Variants in MTUS2 observed in about 807,000 individuals in gnomAD.
The protein encoded by MTUS2 is microtubule associated scaffold protein 2, also known as microtubule-associated tumor suppressor candidate 2.
MTUS2 carries 40 observed loss-of-function variants against 114.1 expected under a neutral mutation model. The ratio of observed to expected loss-of-function variants is 0.35; its 90% confidence interval spans 0.27 to 0.46. The LOEUF (loss-of-function observed/expected upper bound fraction) is 0.46. MTUS2 is among the 20% of genes least tolerant of loss of function. The probability of loss-of-function intolerance (pLI) is 1.00; values close to 1 mark genes in which losing one functional copy is unlikely to be tolerated. For missense variants in MTUS2, 1,679 were observed against 1,705.4 expected (o/e 0.98, Z 0.27); for synonymous variants, 688 against 672.0 (o/e 1.02, Z -0.37).
chr13:29,211,902 T>G lies in MTUS2; in HGVS notation c.2645-69802T>G, dbSNP rs1895458202. The stretch of plus-strand genomic sequence containing the variant: ...TAGTTCTTGGAGCCAAAGTTCACAG[T>G]GTGTCTCCACAAGCTGCTCTGTCCA... On this transcript the variant is annotated intron_variant, in intron 5 of 15. Transcript: ENST00000612955. Among the ~76,000 whole-genome samples the G allele has an allele frequency of 2.6e-5, 4 of 152,102 alleles. No individual in the cohort carries two copies. The South Asian group carries it at 8.3e-4, about 32-fold the overall frequency.
At position 29,024,979 on chromosome 13, in the gene MTUS2, G is replaced by A; in HGVS notation, c.281G>A (p.Ser94Asn). The part of the protein sequence containing the change: ...FGKGSQAGSA[S>N]LKDFRLSSTI... ...AAAGGCTCTCAGGCTGGCTCTGCCA[G>A]CCTGAAAGATTTTAGACTTTCTTCA... The change falls in exon 3 of 16, where the codon AGC (serine) becomes AAC (asparagine). Residue 94 changes from serine to asparagine, a missense_variant. Coordinates refer to ENST00000612955, the MANE Select transcript of MTUS2 (RefSeq NM_001033602.4). 1 of 1,613,242 alleles carries A rather than the reference G, an allele frequency of 6.2e-7. No homozygotes were observed.
intron 8 of MTUS2, among the ~76,000 whole-genome samples, chr13:29,438,441 T>C (rs915214555): frequency 6.6e-6 from 1 of 152,174 alleles, no homozygotes; most frequent in Non-Finnish European, 1.5e-5. Context: ...AAGCCCAAGA[T>C]CTAGGCTCCA....
chr13:28,941,150 T>A (rs978045067), intron 2 of MTUS2, among the ~76,000 whole-genome samples: 1 of 152,162 alleles, frequency 6.6e-6, no homozygotes, highest in African/African-American at 2.4e-5. Flanking sequence ...ACCAATAATT[T>A]TCCAACTTTT....
In MTUS2 at chr13:29,260,874, G is replaced by C. The variant is rs534630546; in HGVS notation, c.2645-20830G>C. The stretch of plus-strand genomic sequence containing the variant: ...TGGAGAGAAAGGGAGATTGCTACTG[G>C]CATCTAGTGGGTAGAGGCCGGGGTT... On this transcript the variant is annotated intron_variant, in intron 5 of 15. Coordinates refer to ENST00000612955, the MANE Select transcript of MTUS2 (RefSeq NM_001033602.4). Among the ~76,000 whole-genome samples the C allele has an allele frequency of 9.9e-5, 15 of 152,282 alleles. No homozygotes were observed. In the South Asian group the frequency reaches 2.1e-3, roughly 21 times the overall value.
rs1433759093 is a variant in MTUS2 at position 29,183,551 on chromosome 13, G to A, written c.2644+82581G>A. Among the ~76,000 whole-genome samples, 3 of 152,254 alleles carry A rather than the reference G, an allele frequency of 2.0e-5. 1 individual carries two copies. The South Asian group carries it at 6.2e-4, about 32-fold the overall frequency. ...GCTGTGAGCCAATAGATGGAATTTA[G>A]CACCATAAGACTGGAAAGATCACCA... On this transcript the variant is annotated intron_variant, in intron 5 of 15. Coordinates refer to ENST00000612955, the MANE Select transcript of MTUS2 (RefSeq NM_001033602.4).
intron 9 of MTUS2, among the ~76,000 whole-genome samples, chr13:29,449,215 A>G (rs1055352111): frequency 2.0e-5 from 3 of 152,208 alleles, no homozygotes; most frequent in Non-Finnish European, 4.4e-5. Context: ...TGAGAGCTTG[A>G]TATTAACGTA....
chr13:29,048,955 A>G (rs948594293), intron 4 of MTUS2, among the ~76,000 whole-genome samples: 8 of 152,200 alleles, frequency 5.3e-5, no homozygotes, highest in Admixed American at 3.9e-4. Context: ...GTAAAGTTAT[A>G]TCACTGGGGA....
At position 29,206,859 on chromosome 13, in the gene MTUS2, T is replaced by A. The variant is rs1260515680; in HGVS notation, c.2645-74845T>A. On this transcript the variant is annotated intron_variant, in intron 5 of 15. Coordinates refer to ENST00000612955, the MANE Select transcript of MTUS2 (RefSeq NM_001033602.4). ...GGTAATGTGTTGCCTCCAGATTTGT[T>A]CTTTTTGCTTAGCCTTGCTTTGGCT... Among the ~76,000 whole-genome samples, 5 of 152,210 alleles carry A rather than the reference T, an allele frequency of 3.3e-5. 1 individual carries two copies. In the South Asian group the frequency reaches 1.0e-3, roughly 31 times the overall value.
intron 2 of MTUS2, among the ~76,000 whole-genome samples, chr13:28,873,725 A>G (rs867562879): frequency 1.4e-4 from 22 of 152,336 alleles, no homozygotes; most frequent in Middle Eastern, 3.4e-3. Flanking sequence ...AATCACATGC[A>G]TTGGTAATGA....
At chr13:29,328,751 A>C (rs1475111114) in intron 7 of MTUS2, among the ~76,000 whole-genome samples, 1 of 152,238 alleles carries the variant, frequency 6.6e-6, no homozygotes, top group African/African-American at 2.4e-5. Flanking sequence ...AATCTGATGC[A>C]AATTATTCCC....
At chr13:29,253,125 C>G (rs926408673) in intron 5 of MTUS2, among the ~76,000 whole-genome samples, 1 of 148,784 alleles carries the variant, frequency 6.7e-6, no homozygotes, top group Non-Finnish European at 1.5e-5. Flanking sequence ...TATTTTCTCT[C>G]TCTAAAAATC....
At chr13:28,855,187 GT>G (rs375329570) in intron 2 of MTUS2, among the ~76,000 whole-genome samples, 101 of 148,888 alleles carry the variant, frequency 6.8e-4, no homozygotes, top group African/African-American at 1.9e-3. Context: ...TCACTGGAAG[GT>G]TTTTTTTTTA....
intron 5 of MTUS2, among the ~76,000 whole-genome samples, chr13:29,197,336 C>A (rs1894745602): frequency 6.6e-6 from 1 of 152,026 alleles, no homozygotes; most frequent in Non-Finnish European, 1.5e-5. Flanking sequence ...TTTTCTGTTC[C>A]TGTGTTAGTT....
At chr13:29,481,381 C>T (rs1056092903) in intron 10 of MTUS2, among the ~76,000 whole-genome samples, 1 of 152,184 alleles carries the variant, frequency 6.6e-6, no homozygotes, top group South Asian at 2.1e-4. Context: ...CCCCCGCTTC[C>T]ATGAGCACTG....
intron 5 of MTUS2, among the ~76,000 whole-genome samples, chr13:29,118,968 G>A (rs1287058045): frequency 6.6e-6 from 1 of 152,030 alleles, no homozygotes; most frequent in Non-Finnish European, 1.5e-5. Context: ...AGCACCCCTC[G>A]AACACAAGTT....
upstream of MTUS2, among the ~76,000 whole-genome samples, chr13:28,820,086 C>G (rs1000781298): frequency 3.4e-5 from 5 of 147,060 alleles, no homozygotes; most frequent in South Asian, 1.0e-3. Flanking sequence ...CGAGGCGCGC[C>G]GGCTGCGTGG....
intron 8 of MTUS2, among the ~76,000 whole-genome samples, chr13:29,435,788 C>A (rs192905697): frequency 2.0e-5 from 3 of 152,350 alleles, no homozygotes; most frequent in Admixed American, 2.0e-4. Flanking sequence ...GATATCATTT[C>A]AAAAACAAGC....
intron 5 of MTUS2, among the ~76,000 whole-genome samples, chr13:29,280,399 A>C (rs1000539622): frequency 2.0e-5 from 3 of 152,210 alleles, no homozygotes; most frequent in Non-Finnish European, 2.9e-5. Context: ...GAAATGGTGC[A>C]TTCTTTGATT....
chr13:28,965,570 G>A (rs886526446), intron 2 of MTUS2, among the ~76,000 whole-genome samples: 6 of 152,124 alleles, frequency 3.9e-5, no homozygotes, highest in East Asian at 1.9e-4. Context: ...GAATGTATAC[G>A]CTATATATGT....
Sources: allele counts gnomAD v4.1 joint callset (sites outside exome capture counted in the v4.1 genomes callset), GRCh38; gene constraint gnomAD v4.1.1; transcripts MANE v1.5; gene names NCBI Gene and HGNC (gene_info 2026-07-23, HGNC 2026-07-21).